Variants in PCNX2 observed in about 807,000 individuals in gnomAD.
PCNX2 encodes pecanex-like protein 2.
Under a neutral mutation model 223.8 loss-of-function variants are expected in PCNX2, and 168 were observed. That is an observed-to-expected ratio of 0.75 (90% CI 0.66 to 0.85). The LOEUF is 0.85. Among genes scored for constraint, PCNX2 ranks in the 40% least tolerant of loss-of-function variants. PCNX2 has a pLI of 0.00. For synonymous variants in PCNX2, 1,006 were observed against 1,052.6 expected (o/e 0.96, Z 0.86); for missense variants, 2,507 against 2,675.5 (o/e 0.94, Z 1.39).
chr1:233,130,463 TTTTGTGTG>T (rs1676413270), intron 21 of PCNX2, among the ~76,000 whole-genome samples: 1 of 86,162 alleles, frequency 1.2e-5, no homozygotes, highest in South Asian at 5.0e-4. Context: ...GCCCCCCAAC[TTTTGTGTG>T]TGTGTGTGTG....
At chr1:233,175,110 A>G (rs1572021018) in intron 17 of PCNX2, among the ~76,000 whole-genome samples, 1 of 152,134 alleles carries the variant, frequency 6.6e-6, no homozygotes. Context: ...AGAGACAGAC[A>G]GACAGAGAAA....
Position 233,295,569 on chromosome 1 carries a change from C to T in PCNX2, c.-91G>A, listed in dbSNP as rs1199994709. 2.4e-6 allele frequency: 3 copies of T among 1,256,064 alleles called. No homozygotes were observed. The highest frequency in any genetic ancestry group is 3.1e-5 in the African/African-American group (2 of 63,670). The allele number at this position is 1,256,064 out of a possible 1,614,324, so 77.8% of individuals were successfully genotyped here. A position where few individuals can be genotyped will look rare whatever the true frequency, so the allele number is the denominator to read the frequency against. On this transcript the variant is annotated 5_prime_UTR_variant, in exon 1 of 34. Transcript: ENST00000258229. The surrounding 1 kb of genome is among the most constrained non-coding windows in gnomAD (Gnocchi z 4.1). Reference sequence around the variant, plus strand: ...GCTCCCTCAGGTCTAACACCCGGGCCCGCGGGCCGCGCCCCCGCCGTCGCC... The same window carrying T: ...GCTCCCTCAGGTCTAACACCCGGGCTCGCGGGCCGCGCCCCCGCCGTCGCC...
At position 233,110,029 on chromosome 1, in the gene PCNX2, T is replaced by C. The variant is rs149776510; in HGVS notation, c.3838-14166A>G. On this transcript the variant is annotated intron_variant, in intron 21 of 33. Coordinates refer to ENST00000258229, the MANE Select transcript of PCNX2 (RefSeq NM_014801.4). ...ACTTGAACCCAGGAGGCAGAGGTTA[T>C]AGTGAGCTGAGATGGTGCCACTGCA... Among the ~76,000 whole-genome samples the C allele has an allele frequency of 1.3e-3, 194 of 152,042 alleles. 1 individual carries two copies. Among genetic ancestry groups the C allele is most frequent in the African/African-American group, 4.4e-3 (183 of 41,484 alleles).
the PCNX2 span, among the ~76,000 whole-genome samples, chr1:233,319,530 T>A: frequency 6.6e-6 from 1 of 152,258 alleles, no homozygotes; most frequent in Admixed American, 6.5e-5. Context: ...TCTGGGTTAA[T>A]GTGAGGGCTG....
At chr1:233,167,073 TAAAG>T (rs1375455236) in intron 17 of PCNX2, among the ~76,000 whole-genome samples, 3 of 152,148 alleles carry the variant, frequency 2.0e-5, no homozygotes, top group Non-Finnish European at 4.4e-5. Context: ...CACCATGCCA[TAAAG>T]ACATTTGTGC....
rs755386422 is a variant in PCNX2, at chr1:233,258,250, C to CTTCTTGA, written c.1611_1612insTCAAGAA (p.Asp538SerfsTer8). 1 of 1,614,024 alleles carries CTTCTTGA rather than the reference C, an allele frequency of 6.2e-7. No individual in the cohort carries two copies. Among genetic ancestry groups the CTTCTTGA allele is most frequent in the African/African-American group, 1.3e-5 (1 of 75,060 alleles). On this transcript the variant is annotated frameshift_variant, in exon 5 of 34. Coordinates refer to ENST00000258229, the MANE Select transcript of PCNX2 (RefSeq NM_014801.4). LOFTEE classifies it high-confidence loss of function. ...GCAGAACTTTTACTCAAGAAGACAT[C>CTTCTTGA]TGTCCCACTGTCCACACTGAGCACC... is the stretch of plus-strand genomic sequence containing the variant.
chr1:233,089,831 C>T, intron 23 of PCNX2: 1 of 1,251,426 alleles, frequency 8.0e-7, no homozygotes, highest in Non-Finnish European at 1.0e-6. Context: ...ACTGGTGAAA[C>T]CTGGACTAGT....
chr1:233,259,388 A>G, intron 4 of PCNX2, 44 bp from the exon 5 acceptor site: 1 of 1,534,834 alleles, frequency 6.5e-7, no homozygotes, highest in East Asian at 2.3e-5. Context: ...GAAATGAATG[A>G]GTAATGCCCA....
At chr1:233,230,761 A>ATCCAGTGT (rs1194833187) in intron 9 of PCNX2, among the ~76,000 whole-genome samples, 2 of 152,230 alleles carry the variant, frequency 1.3e-5, no homozygotes, top group African/African-American at 2.4e-5. Flanking sequence ...ATATCATAAT[A>ATCCAGTGT]TCCAGTGTTC....
intron 19 of PCNX2, among the ~76,000 whole-genome samples, chr1:233,151,302 C>T (rs547397650): frequency 1.3e-5 from 2 of 152,158 alleles, no homozygotes; most frequent in African/African-American, 4.8e-5. Flanking sequence ...AACAGACCTA[C>T]TTTAGGGAGA....
At chr1:233,308,154 A>T in the PCNX2 span, among the ~76,000 whole-genome samples, 1 of 152,222 alleles carries the variant, frequency 6.6e-6, no homozygotes, top group East Asian at 1.9e-4. Flanking sequence ...AACTAAAGTT[A>T]TCAAAAGACA....
upstream of PCNX2, among the ~76,000 whole-genome samples, chr1:233,300,620 T>C (rs1227001395): frequency 2.0e-5 from 3 of 152,338 alleles, no homozygotes; most frequent in East Asian, 5.8e-4. Flanking sequence ...AATCCCCTAA[T>C]GTGCTTGATT....
At chr1:233,312,870 G>A in the PCNX2 span, among the ~76,000 whole-genome samples, 1 of 151,090 alleles carries the variant, frequency 6.6e-6, no homozygotes, top group Non-Finnish European at 1.5e-5. Flanking sequence ...TCAGTCAATG[G>A]ATTAGAAAAA....
chr1:233,054,345 T>A lies in PCNX2; in HGVS notation c.4274A>T (p.Asp1425Val). Residue 1425 changes from aspartate (D) to valine (V), a missense_variant, in exon 25 of 34, where the codon GAC becomes GTC. This residue lies in a region of PCNX2 where 1,372 missense variants were observed against 1,509.4 expected (regional missense o/e 0.91). Transcript: ENST00000258229. ...AATCAGGTGAACAAAGGCATTGAGG[T>A]CATCTGAAGCCAAAATAAAGCAATC... is the stretch of plus-strand genomic sequence containing the variant. ...SGDCFILASD[D>V]LNAFVHLIEI... 1.2e-6 allele frequency: 2 copies of A among 1,613,868 alleles called. No individual in the cohort carries two copies. Among genetic ancestry groups the A allele is most frequent in the Non-Finnish European group, 1.7e-6 (2 of 1,179,864 alleles).
At chr1:233,056,788 T>C (rs1234834763) in intron 24 of PCNX2, among the ~76,000 whole-genome samples, 1 of 152,140 alleles carries the variant, frequency 6.6e-6, no homozygotes, top group Non-Finnish European at 1.5e-5. Flanking sequence ...AGTAAAATAA[T>C]TTTCTAGCAG....
chr1:233,213,654 A>T (rs1010950554), intron 12 of PCNX2, among the ~76,000 whole-genome samples: 1 of 152,136 alleles, frequency 6.6e-6, no homozygotes, highest in African/African-American at 2.4e-5. Flanking sequence ...GCAACAGTTA[A>T]TTGAATAGAA....
intron 33 of PCNX2, 123 bp downstream of exon 33, chr1:232,985,969 C>A (rs1344200916): frequency 9.2e-7 from 1 of 1,086,428 alleles, no homozygotes; most frequent in African/African-American, 1.6e-5. Context: ...CTGGGAGCCC[C>A]ATAGAGAAGG....
rs748025192 is a variant in PCNX2 at position 233,025,311 on chromosome 1, C to T, written c.4440G>A (p.Leu1480=). 1 of 1,614,044 alleles carries T rather than the reference C, an allele frequency of 6.2e-7. No individual in the cohort carries two copies. The highest frequency in any genetic ancestry group is 8.5e-7 in the Non-Finnish European group (1 of 1,179,902). ...CAGCGTTGCAGGACAGCAGGTGAGGCAAGTGGCCTGGTTTGCAGCAGCAGC... is the reference window on the plus strand; with the variant it reads ...CAGCGTTGCAGGACAGCAGGTGAGGTAAGTGGCCTGGTTTGCAGCAGCAGC... The part of the protein sequence containing the change: ...RGCCCCKPGH[L]PHLLSCNAAF... The change falls in exon 26 of 34, where the codon TTG becomes TTA. Residue 1480 remains leucine, a synonymous_variant. Transcript: ENST00000258229.
chr1:233,095,540 C>T, intron 22 of PCNX2: 1 of 564,516 alleles, frequency 1.8e-6, no homozygotes, highest in Non-Finnish European at 3.2e-6. Context: ...AAAAGTAACT[C>T]CTGAATATGC....
Sources: gnomAD v4.1 joint callset for allele counts (sites outside exome capture counted in the v4.1 genomes callset) on GRCh38, gnomAD v4.1.1 for gene constraint, gnomAD v4.1.1 regional missense constraint, Gnocchi (gnomAD v3.1) non-coding constraint, MANE v1.5 for transcripts, NCBI Gene and HGNC (gene_info 2026-07-23, HGNC 2026-07-21) for gene names.